RADIL: variants seen among roughly 807,000 people sequenced by gnomAD.
The protein encoded by RADIL is ras-associating and dilute domain-containing protein.
RADIL carries 99 observed loss-of-function variants against 97.6 expected under a neutral mutation model. That is an observed-to-expected ratio of 1.01 (90% confidence interval 0.86 to 1.20). The LOEUF is 1.20. Among genes scored for constraint, RADIL ranks in the 50% most tolerant of loss-of-function variants. The probability of loss-of-function intolerance (pLI) is 0.00; values close to 1 mark genes in which losing one functional copy is unlikely to be tolerated. For synonymous variants in RADIL, 803 were observed against 691.8 expected (o/e 1.16, Z -2.52); for missense variants, 1,765 against 1,498.9 (o/e 1.18, Z -2.93).
intron 9 of RADIL, chr7:4,808,894 C>T (rs1283854870): frequency 4.3e-6 from 4 of 923,562 alleles, no homozygotes; most frequent in South Asian, 1.1e-4. Flanking sequence ...CACTGCCCCC[C>T]GTTCCGACGC....
At chr7:4,803,906 A>C (rs549202573) in intron 10 of RADIL, 152 bp from the exon 11 acceptor site, 3 of 754,710 alleles carry the variant, frequency 4.0e-6, no homozygotes, top group Admixed American at 4.0e-5. Context: ...TCCTGGCCAC[A>C]GTGACTGGCC....
At chr7:4,808,335 C>G (rs1782413171) in intron 9 of RADIL, among the ~76,000 whole-genome samples, 1 of 151,646 alleles carries the variant, frequency 6.6e-6, no homozygotes, top group Admixed American at 6.6e-5. Context: ...CGCTCTTGTT[C>G]TCTCATGGAT....
At chr7:4,877,458 A>G (rs1423313378) in intron 2 of RADIL, 147 bp downstream of exon 2, 1 of 894,554 alleles carries the variant, frequency 1.1e-6, no homozygotes, top group Non-Finnish European at 1.7e-6. Flanking sequence ...GGAAGGCTTC[A>G]AACATCCAGG....
At position 4,834,200 on chromosome 7, in the gene RADIL, G is replaced by C. The variant is rs369397364; in HGVS notation, c.1416+407C>G. Among the ~76,000 whole-genome samples the C allele has an allele frequency of 1.3e-5, 2 of 152,308 alleles. No homozygotes were observed. The highest frequency in any genetic ancestry group is 4.8e-5 in the African/African-American group (2 of 41,564). On this transcript the variant is annotated intron_variant, in intron 4 of 14. Coordinates refer to ENST00000399583, the MANE Select transcript of RADIL (RefSeq NM_018059.5). The surrounding 1 kb of genome is among the most constrained non-coding windows in gnomAD (Gnocchi z 6.0). ...AAGCACAGGGCGCCGGCACACACAG[G>C]GGCTTCTGGGGCTCTTGGGCAGGGG...
chr7:4,808,628 C>G, intron 9 of RADIL: 1 of 985,370 alleles, frequency 1.0e-6, no homozygotes. Flanking sequence ...CCCCGCGGCC[C>G]TGGTCTCTCC....
Position 4,878,020 on chromosome 7 carries a change from G to T in RADIL, c.120C>A (p.Asp40Glu). ...TGGCGCCCAGGCTGGAGAAGGTGGA[G>T]TCCAGGTCCCGGTACTTGTAGCTCA... is the stretch of plus-strand genomic sequence containing the variant. ...RTLSYKYRDL[D>E]STFSSLGASD... Residue 40 changes from aspartate to glutamate, a missense_variant, in exon 2 of 15, where the codon GAC becomes GAA. Coordinates refer to ENST00000399583, the MANE Select transcript of RADIL (RefSeq NM_018059.5). This position sits in a 1 kb window ranked among gnomAD's most constrained non-coding sequence, Gnocchi z 4.1. The T allele has an allele frequency of 6.2e-7, 1 of 1,610,668 alleles. No individual in the cohort carries two copies. The highest frequency in any genetic ancestry group is 8.5e-7 in the Non-Finnish European group (1 of 1,179,224).
intron 2 of RADIL, among the ~76,000 whole-genome samples, chr7:4,853,004 G>A (rs894914024): frequency 7.9e-5 from 12 of 152,118 alleles, no homozygotes; most frequent in African/African-American, 1.9e-4. Context: ...ATACCCAGAC[G>A]CCCCATTCAC....
Position 4,816,459 on chromosome 7 carries a change from A to C in RADIL, c.1735T>G (p.Tyr579Asp). ...QCVYYVSKSL[Y>D]ICLPALLECP... ...TCCAGGAGTGCCGGGAGGCAGATGT[A>C]CAGGGACTGGCGGGGGCAAGAGGAG... is the stretch of plus-strand genomic sequence containing the variant. Residue 579 changes from tyrosine to aspartate, a missense_variant, in exon 8 of 15, where the codon TAC becomes GAC. Transcript: ENST00000399583. The C allele has an allele frequency of 1.1e-5, 17 of 1,606,128 alleles. No homozygotes were observed. The highest frequency in any genetic ancestry group is 1.4e-5 in the Non-Finnish European group (17 of 1,176,504).
chr7:4,826,019 G>A (rs1031787943), intron 5 of RADIL, among the ~76,000 whole-genome samples: 1 of 151,890 alleles, frequency 6.6e-6, no homozygotes, highest in African/African-American at 2.4e-5. Context: ...GAAGCTAGAG[G>A]ATCACTTGAG....
At chr7:4,866,632 A>T (rs1784137144) in intron 2 of RADIL, among the ~76,000 whole-genome samples, 1 of 152,312 alleles carries the variant, frequency 6.6e-6, no homozygotes, top group South Asian at 2.1e-4. Context: ...CTATGGCTGC[A>T]TTCCTATAAC....
chr7:4,808,758 T>G, intron 9 of RADIL: 11 of 943,128 alleles, frequency 1.2e-5, no homozygotes, highest in Non-Finnish European at 1.3e-5. Context: ...CCAACGCCAC[T>G]GCCCCCCGTT....
Position 4,803,608 on chromosome 7 carries a change from T to G in RADIL, c.2437A>C (p.Arg813=), listed in dbSNP as rs1782192669. 5 of 1,545,962 alleles carry G rather than the reference T, an allele frequency of 3.2e-6. No homozygotes were observed. The African/African-American group carries it at 5.6e-5, about 17-fold the overall frequency. The change falls in exon 11 of 15, where the codon AGA becomes CGA. Residue 813 remains arginine (R), a synonymous_variant. Coordinates refer to ENST00000399583, the MANE Select transcript of RADIL (RefSeq NM_018059.5). ...VRHFLWGLRS[R]ASPGSPGRPG... ...CTGCCAGGGCTGCCGGGGCTGGCTC[T>G]GCTCCGCAGACCCCACAGAAAGTGG...
chr7:4,809,075 G>T, intron 9 of RADIL: 1 of 975,986 alleles, frequency 1.0e-6, no homozygotes. Context: ...CTGCCCCTCC[G>T]CGTCTCCTGT....
At chr7:4,838,900 T>G (rs1233479181) in intron 2 of RADIL, among the ~76,000 whole-genome samples, 1 of 152,244 alleles carries the variant, frequency 6.6e-6, no homozygotes, top group Non-Finnish European at 1.5e-5. Flanking sequence ...CTCAGTCCCC[T>G]GCTGTGGAAC....
intron 2 of RADIL, among the ~76,000 whole-genome samples, chr7:4,862,153 A>G (rs971683510): frequency 6.6e-6 from 1 of 152,214 alleles, no homozygotes. Context: ...GGCAGGATTC[A>G]CGTTGTTGAT....
chr7:4,799,356 TG>T lies in RADIL; in HGVS notation c.*21del. 1.9e-6 allele frequency: 3 copies of T among 1,609,472 alleles called. No homozygotes were observed. The highest frequency in any genetic ancestry group is 2.2e-5 in the South Asian group (2 of 91,008). ...CAGGTGGGACCGGGTGCCGGGCCTG[TG>T]GGGGTGTCCTCGCAGCCCCCCTAGA... On this transcript the variant is annotated 3_prime_UTR_variant, in exon 15 of 15. Transcript: ENST00000399583.
In RADIL at chr7:4,834,583, G is replaced by A; in HGVS notation, c.1416+24C>T. Reference sequence around the variant, plus strand: ...TTCCCCCAGACCGGCACAGGACCCAGACCGCCCACCCCAGCACACTGACCC... The same window carrying A: ...TTCCCCCAGACCGGCACAGGACCCAAACCGCCCACCCCAGCACACTGACCC... On this transcript the variant is annotated intron_variant, in intron 4 of 14. Transcript: ENST00000399583. This position sits in a 1 kb window ranked among gnomAD's most constrained non-coding sequence, Gnocchi z 6.0. The A allele has an allele frequency of 3.0e-6, 4 of 1,315,532 alleles. No individual in the cohort carries two copies. The highest frequency in any genetic ancestry group is 3.9e-6 in the Non-Finnish European group (4 of 1,026,776). 81.5% of individuals were successfully genotyped at this position (1,315,532 alleles called of 1,614,324 possible).
At chr7:4,861,846 C>CCACCGCGACCTTCACGTCCCCCA in intron 2 of RADIL, 1 of 1,395,104 alleles carries the variant, frequency 7.2e-7, no homozygotes, top group Non-Finnish European at 9.4e-7. Context: ...ACGTCCCCCA[C>CCACCGCGACCTTCACGTCCCCCA]CACCGCGACC....
chr7:4,833,811 T>C (rs1474980107), intron 4 of RADIL, among the ~76,000 whole-genome samples: 1 of 152,082 alleles, frequency 6.6e-6, no homozygotes, highest in Non-Finnish European at 1.5e-5. Context: ...GGGCCATGAC[T>C]GTGTGATGCC....
Sources: gnomAD v4.1 joint callset for allele counts (sites outside exome capture counted in the v4.1 genomes callset) on GRCh38, gnomAD v4.1.1 for gene constraint, Gnocchi (gnomAD v3.1) non-coding constraint, MANE v1.5 for transcripts, NCBI Gene and HGNC (gene_info 2026-07-23, HGNC 2026-07-21) for gene names.